The following BICRAL variants were observed in gnomAD, a reference collection of about 807,000 sequenced individuals.
BICRAL encodes BRD4-interacting chromatin-remodeling complex-associated protein-like.
A neutral mutation model predicts 91.8 loss-of-function variants in BICRAL; 8 were observed. The ratio of observed to expected loss-of-function variants is 0.09; its 90% CI spans 0.05 to 0.16. The LOEUF (loss-of-function observed/expected upper bound fraction) is 0.16, where lower values mean the gene tolerates loss of function less well. Among genes scored for constraint, BICRAL ranks in the 10% least tolerant of loss-of-function variants. The probability of loss-of-function intolerance (pLI) is 1.00; values close to 1 mark genes in which losing one functional copy is unlikely to be tolerated. For missense variants in BICRAL, 1,038 were observed against 1,310.9 expected, an observed-to-expected ratio of 0.79 and a Z score of 3.21; for synonymous variants, 445 against 491.1, an observed-to-expected ratio of 0.91 and a Z score of 1.24.
In BICRAL at chr6:42,832,538, G is replaced by A. The variant is rs1276414568; in HGVS notation, c.1839+2366G>A. ...ACAAAGATTGCTTATGATTAAGGATGTTCAGTTTATTTGTTTTGGTTTCAA... is the reference window on the plus strand; with the variant it reads ...ACAAAGATTGCTTATGATTAAGGATATTCAGTTTATTTGTTTTGGTTTCAA... On this transcript the variant is annotated intron_variant, in intron 6 of 12. Coordinates refer to ENST00000314073, the MANE Select transcript of BICRAL (RefSeq NM_001393499.1). Among the ~76,000 whole-genome samples, 4 of 150,240 alleles carry A rather than the reference G, an allele frequency of 2.7e-5. No homozygotes were observed. In the Admixed American group the frequency reaches 2.7e-4, roughly 10 times the overall value.
chr6:42,855,546 C>CATG (rs113362170), intron 8 of BICRAL, among the ~76,000 whole-genome samples: 15,095 of 150,684 alleles, frequency 0.1, 1,620 homozygotes, highest in African/African-American at 0.28. Flanking sequence ...TGTCAAAAAA[C>CATG]ATGATGATGA....
chr6:42,806,942 T>C (rs1763724026), intron 1 of BICRAL, among the ~76,000 whole-genome samples: 1 of 152,104 alleles, frequency 6.6e-6, no homozygotes, highest in Non-Finnish European at 1.5e-5. Context: ...GCAATTCTCC[T>C]GCCTCAGCCT....
intron 1 of BICRAL, among the ~76,000 whole-genome samples, chr6:42,759,691 A>G (rs1165807753): frequency 6.6e-6 from 1 of 152,170 alleles, no homozygotes; most frequent in African/African-American, 2.4e-5. Flanking sequence ...CTGTGATCCT[A>G]TGCCTCATCT....
At chr6:42,751,654 C>CTTTTTTTTTT (rs1190737893) in intron 1 of BICRAL, among the ~76,000 whole-genome samples, 36 of 116,544 alleles carry the variant, frequency 3.1e-4, no homozygotes, top group Non-Finnish European at 3.7e-4. Flanking sequence ...TCTTTCTTTT[C>CTTTTTTTTTT]TTTTTTTTTT....
At chr6:42,752,917 T>TC (rs1762402556) in intron 1 of BICRAL, among the ~76,000 whole-genome samples, 1 of 144,816 alleles carries the variant, frequency 6.9e-6, no homozygotes, top group African/African-American at 2.7e-5. Context: ...GCTGACTTTT[T>TC]TTTTTTTTTT....
chr6:42,791,111 A>G (rs1763260085), intron 1 of BICRAL, among the ~76,000 whole-genome samples: 1 of 151,914 alleles, frequency 6.6e-6, no homozygotes, highest in Admixed American at 6.6e-5. Context: ...AAGGTGGAGG[A>G]TGAAAGAGGA....
chr6:42,807,187 A>G (rs2113909573), intron 1 of BICRAL, among the ~76,000 whole-genome samples: 1 of 151,308 alleles, frequency 6.6e-6, no homozygotes, highest in African/African-American at 2.4e-5. Flanking sequence ...TTATTTATGT[A>G]TTTAGTTATT....
chr6:42,832,578 C>CAT (rs374090192), intron 6 of BICRAL, among the ~76,000 whole-genome samples: 10 of 142,678 alleles, frequency 7.0e-5, no homozygotes, highest in African/African-American at 2.3e-4. Context: ...ATCAAAGGGG[C>CAT]GTGTGTGTGT....
chr6:42,790,442 C>T (rs936990700), intron 1 of BICRAL, among the ~76,000 whole-genome samples: 2 of 144,618 alleles, frequency 1.4e-5, no homozygotes, highest in Non-Finnish European at 3.0e-5. Flanking sequence ...TCCCAAAGTG[C>T]TGGGATTACA....
At position 42,852,128 on chromosome 6, in the gene BICRAL, T is replaced by C. The variant is rs1765201740; in HGVS notation, c.1876T>C (p.Ser626Pro). ...KKCLNQTSPI[S>P]APKTTDGLRQ... ...ATGTCTGAATCAGACTTCCCCCATT[T>C]CTGCTCCCAAGACCACAGACGGCCT... The change falls in exon 7 of 13, where the codon TCT (serine) becomes CCT (proline). Residue 626 changes from serine to proline, a missense_variant. By Grantham distance (74) the Ser-to-Pro change is moderately conservative (BLOSUM62 -1). Around this residue, in one of 5 missense-constraint regions of BICRAL, gnomAD observed 532 missense variants for 724.9 expected, o/e 0.73. Coordinates refer to ENST00000314073, the MANE Select transcript of BICRAL (RefSeq NM_001393499.1). The C allele has an allele frequency of 1.2e-6, 2 of 1,612,854 alleles. No homozygotes were observed. Among genetic ancestry groups the C allele is most frequent in the African/African-American group, 2.7e-5 (2 of 74,886 alleles).
At chr6:42,797,138 G>A (rs1763437017) in intron 1 of BICRAL, among the ~76,000 whole-genome samples, 1 of 151,260 alleles carries the variant, frequency 6.6e-6, no homozygotes, top group Admixed American at 6.6e-5. Context: ...TTGTTGACCA[G>A]GAAAAGATAC....
At chr6:42,821,114 A>C (rs942572426) in intron 2 of BICRAL, 4 of 152,094 alleles carry the variant, frequency 2.6e-5, no homozygotes, top group Admixed American at 2.0e-4. Context: ...GCCCTTTCCA[A>C]CTGCTCCAGA....
rs142553088 is a variant in BICRAL, at chr6:42,829,584, C to T, written c.1251C>T (p.Val417=). 1,125 of 1,614,218 alleles carry T rather than the reference C, an allele frequency of 7.0e-4. 1 individual carries two copies. Among genetic ancestry groups the T allele is most frequent in the Non-Finnish European group, 9.2e-4 (1,081 of 1,180,030 alleles). The change falls in exon 6 of 13, where the codon GTC becomes GTT. Residue 417 remains valine (V), a synonymous_variant. Transcript: ENST00000314073. ...LSVSSNSVHH[V]QTINGQLLQT... is the part of the protein sequence containing the mutation. ...TCAGTTCCAACTCGGTACACCACGT[C>T]CAGACTATAAATGGGCAACTTCTTC... is the stretch of plus-strand genomic sequence containing the variant.
At chr6:42,747,228 A>G (rs2152016828) in intron 1 of BICRAL, among the ~76,000 whole-genome samples, 1 of 152,318 alleles carries the variant, frequency 6.6e-6, no homozygotes, top group South Asian at 2.1e-4. Context: ...GGCAGCGGGC[A>G]GGGCGAGAAC....
chr6:42,798,423 A>G (rs370170553), intron 1 of BICRAL, among the ~76,000 whole-genome samples: 2 of 152,192 alleles, frequency 1.3e-5, no homozygotes, highest in East Asian at 3.8e-4. Flanking sequence ...TGGGCCGGGC[A>G]TGGTGGCTCA....
chr6:42,769,877 C>T (rs914630373), intron 1 of BICRAL, among the ~76,000 whole-genome samples: 1 of 152,182 alleles, frequency 6.6e-6, no homozygotes, highest in African/African-American at 2.4e-5. Flanking sequence ...AAACAGATTT[C>T]CCAAGTTTAC....
At chr6:42,855,805 G>A in intron 8 of BICRAL, 51 bp from the exon 9 acceptor site, 3 of 1,402,886 alleles carry the variant, frequency 2.1e-6, no homozygotes, top group Non-Finnish European at 3.0e-6. Flanking sequence ...ATGTATAACT[G>A]TATTCTTTTT....
At chr6:42,814,519 A>ATATATATATTTTTTTT (rs1237976324) in intron 2 of BICRAL, among the ~76,000 whole-genome samples, 1 of 80,236 alleles carries the variant, frequency 1.2e-5, no homozygotes, top group Non-Finnish European at 2.1e-5. Flanking sequence ...ATATATATAT[A>ATATATATATTTTTTTT]TTTTTTTTTT....
At chr6:42,854,687 T>C (rs993223019) in intron 8 of BICRAL, among the ~76,000 whole-genome samples, 2 of 151,816 alleles carry the variant, frequency 1.3e-5, no homozygotes, top group Non-Finnish European at 2.9e-5. Flanking sequence ...CTGGCTAATA[T>C]TTTTATATTT....
Sources: gnomAD v4.1 joint callset for allele counts (sites outside exome capture counted in the v4.1 genomes callset) on GRCh38, gnomAD v4.1.1 for gene constraint, gnomAD v4.1.1 regional missense constraint, MANE v1.5 for transcripts, NCBI Gene and HGNC (gene_info 2026-07-23, HGNC 2026-07-21) for gene names.